The following CSMD1 variants were observed in gnomAD, a reference collection of about 807,000 sequenced individuals.
The protein encoded by CSMD1 is CUB and sushi domain-containing protein 1.
A neutral mutation model predicts 417.5 loss-of-function variants in CSMD1; 213 were observed. The ratio of observed to expected loss-of-function variants is 0.51; its 90% CI spans 0.46 to 0.57. The LOEUF is 0.57. Ranked by LOEUF, CSMD1 falls within the 20% of genes least tolerant of loss-of-function variation. CSMD1 has a pLI of 0.00. For synonymous variants in CSMD1, 2,862 were observed against 1,736.8 expected (o/e 1.65, Z -16.11); for missense variants, 6,923 against 4,529.7 (o/e 1.53, Z -15.17).
At chr8:4,739,634 T>C (rs1810469944) in intron 1 of CSMD1, among the ~76,000 whole-genome samples, 1 of 152,142 alleles carries the variant, frequency 6.6e-6, no homozygotes, top group African/African-American at 2.4e-5. Context: ...TATCATGGCA[T>C]TAACACAGGA....
intron 3 of CSMD1, among the ~76,000 whole-genome samples, chr8:4,201,313 C>T (rs900732863): frequency 1.3e-5 from 2 of 151,904 alleles, no homozygotes; most frequent in South Asian, 2.1e-4. Context: ...CCGAGGCGGG[C>T]GGATCACGAG....
chr8:4,640,335 A>T (rs1236027971), intron 1 of CSMD1, among the ~76,000 whole-genome samples: 3 of 152,222 alleles, frequency 2.0e-5, no homozygotes, highest in Non-Finnish European at 4.4e-5. Context: ...TCTATGCCTA[A>T]GATAGAATCG....
chr8:3,334,520 T>C (rs17080030), intron 23 of CSMD1, among the ~76,000 whole-genome samples: 8,042 of 152,260 alleles, frequency 0.053, 256 homozygotes, highest in East Asian at 0.17. Flanking sequence ...TCATTTTTAT[T>C]GTATCAATGT....
At chr8:2,963,493 G>A (rs1169141753) in intron 59 of CSMD1, 98 bp from the exon 60 acceptor site, 1 of 1,222,474 alleles carries the variant, frequency 8.2e-7, no homozygotes, top group Non-Finnish European at 1.2e-6. Context: ...AATTACAAAT[G>A]ACATCTACAT....
chr8:3,195,018 T>A (rs1016172235), intron 33 of CSMD1, among the ~76,000 whole-genome samples: 2 of 152,220 alleles, frequency 1.3e-5, no homozygotes, highest in African/African-American at 4.8e-5. Flanking sequence ...CCTTTTCCCT[T>A]TAAAATGTAC....
At chr8:3,724,984 G>T (rs866453442) in intron 6 of CSMD1, among the ~76,000 whole-genome samples, 2 of 152,134 alleles carry the variant, frequency 1.3e-5, no homozygotes, top group Non-Finnish European at 2.9e-5. Context: ...AGCTTTGTTT[G>T]GTATCCTAAT....
chr8:4,783,477 A>G (rs1033644043), intron 1 of CSMD1, among the ~76,000 whole-genome samples: 7 of 152,222 alleles, frequency 4.6e-5, no homozygotes, highest in Admixed American at 3.9e-4. Flanking sequence ...TGTATCCAAG[A>G]TTAAACCGGA....
chr8:3,470,293 G>T (rs1817012352), intron 11 of CSMD1, among the ~76,000 whole-genome samples: 1 of 151,948 alleles, frequency 6.6e-6, no homozygotes, highest in African/African-American at 2.4e-5. Context: ...TTTCTACATA[G>T]AATTTATAGT....
chr8:3,627,983 A>C (rs1033312004), intron 7 of CSMD1, among the ~76,000 whole-genome samples: 1 of 152,220 alleles, frequency 6.6e-6, no homozygotes, highest in Non-Finnish European at 1.5e-5. Flanking sequence ...ATTTGAGCTT[A>C]CCTTATATAT....
chr8:3,788,414 CTG>C (rs1799560828), intron 5 of CSMD1, among the ~76,000 whole-genome samples: 1 of 152,100 alleles, frequency 6.6e-6, no homozygotes, highest in Non-Finnish European at 1.5e-5. Flanking sequence ...AGTGAGGCTT[CTG>C]GAGGTGCCCA....
At chr8:4,872,252 G>T (rs1802776766) in intron 1 of CSMD1, among the ~76,000 whole-genome samples, 1 of 152,028 alleles carries the variant, frequency 6.6e-6, no homozygotes, top group African/African-American at 2.4e-5. Context: ...CTTTTTCTCT[G>T]TGTGTGTTTT....
intron 1 of CSMD1, among the ~76,000 whole-genome samples, chr8:4,789,052 T>G (rs1355318028): frequency 6.6e-6 from 1 of 152,228 alleles, no homozygotes; most frequent in African/African-American, 2.4e-5. Flanking sequence ...ACAGTTTATT[T>G]ATTCAACTTC....
At chr8:4,291,516 G>T (rs143156507) in intron 3 of CSMD1, among the ~76,000 whole-genome samples, 2 of 151,770 alleles carry the variant, frequency 1.3e-5, no homozygotes, top group Admixed American at 6.6e-5. Context: ...ACTTGTTTTC[G>T]GAAAGTACAT....
At chr8:3,849,764 A>G (rs1803764043) in intron 5 of CSMD1, among the ~76,000 whole-genome samples, 1 of 152,132 alleles carries the variant, frequency 6.6e-6, no homozygotes, top group Non-Finnish European at 1.5e-5. Flanking sequence ...ATATCTTTTG[A>G]GAAATGATAT....
intron 7 of CSMD1, among the ~76,000 whole-genome samples, chr8:3,700,252 T>C (rs754921219): frequency 3.9e-5 from 6 of 152,096 alleles, no homozygotes; most frequent in Non-Finnish European, 8.8e-5. Context: ...CAATAACTTA[T>C]GGAAAAAATA....
intron 3 of CSMD1, among the ~76,000 whole-genome samples, chr8:4,088,395 A>C (rs1585287869): frequency 2.6e-5 from 4 of 152,336 alleles, no homozygotes; most frequent in South Asian, 2.1e-4. Context: ...CTTTGTCGGT[A>C]ACACCTTTTC....
At chr8:4,085,343 C>T (rs1800363494) in intron 3 of CSMD1, among the ~76,000 whole-genome samples, 1 of 152,114 alleles carries the variant, frequency 6.6e-6, no homozygotes, top group South Asian at 2.1e-4. Context: ...AAATGAATGG[C>T]ATCTCACAAC....
intron 8 of CSMD1, among the ~76,000 whole-genome samples, chr8:3,603,515 A>G (rs1310913886): frequency 6.6e-6 from 1 of 152,190 alleles, no homozygotes; most frequent in African/African-American, 2.4e-5. Context: ...CAAGAGAGTA[A>G]AAATCACTTA....
chr8:3,781,299 A>G (rs937903672), intron 5 of CSMD1, among the ~76,000 whole-genome samples: 2 of 152,180 alleles, frequency 1.3e-5, no homozygotes, highest in South Asian at 2.1e-4. Context: ...ATGAATATAC[A>G]ATATTCATAC....
Sources: gnomAD v4.1 joint callset for allele counts (sites outside exome capture counted in the v4.1 genomes callset) on GRCh38, gnomAD v4.1.1 for gene constraint, MANE v1.5 for transcripts, NCBI Gene and HGNC (gene_info 2026-07-23, HGNC 2026-07-21) for gene names.